AUTS2: variants seen among roughly 807,000 people sequenced by gnomAD.
AUTS2 encodes the protein autism susceptibility gene 2 protein.
A neutral mutation model predicts 112.4 loss-of-function variants in AUTS2; 17 were observed. That is an observed-to-expected ratio of 0.15 (90% CI 0.10 to 0.23). The LOEUF (loss-of-function observed/expected upper bound fraction) is 0.23, where lower values mean the gene tolerates loss of function less well. AUTS2 is among the 10% of genes least tolerant of loss of function. The pLI is 1.00. For missense variants in AUTS2, 1,510 were observed against 1,701.6 expected, an observed-to-expected ratio of 0.89 and a Z score of 1.98; for synonymous variants, 751 against 702.7, an observed-to-expected ratio of 1.07 and a Z score of -1.09.
At chr7:70,335,717 G>A (rs1265039554) in intron 4 of AUTS2, among the ~76,000 whole-genome samples, 1 of 152,228 alleles carries the variant, frequency 6.6e-6, no homozygotes, top group Non-Finnish European at 1.5e-5. Flanking sequence ...AGATGCATAT[G>A]ATTAGTCATC....
At position 70,762,943 on chromosome 7, in the gene AUTS2, G is replaced by C; in HGVS notation, c.816G>C (p.Ser272=). The change falls in exon 7 of 19, where the codon TCG becomes TCC. Residue 272 remains serine (S), a synonymous_variant. Transcript: ENST00000342771. Reference sequence around the variant, plus strand: ...CAGGGCCGATTGTCCCCAAGATATCGGGTCTAGAGAGAAGCCAGGAGAAGA... The same window carrying C: ...CAGGGCCGATTGTCCCCAAGATATCCGGTCTAGAGAGAAGCCAGGAGAAGA... ...QDAGPIVPKI[S]GLERSQEKSQ... The C allele has an allele frequency of 1.9e-6, 3 of 1,614,090 alleles. No individual in the cohort carries two copies. The highest frequency in any genetic ancestry group is 1.3e-5 in the African/African-American group (1 of 75,000).
chr7:70,215,926 A>C (rs190024018), intron 4 of AUTS2, among the ~76,000 whole-genome samples: 1 of 152,208 alleles, frequency 6.6e-6, no homozygotes, highest in Non-Finnish European at 1.5e-5. Context: ...GACTTTCTCT[A>C]ATCTTTGTTT....
At chr7:70,179,483 C>G (rs1255506873) in intron 4 of AUTS2, among the ~76,000 whole-genome samples, 1 of 152,166 alleles carries the variant, frequency 6.6e-6, no homozygotes, top group Non-Finnish European at 1.5e-5. Context: ...ACTTGGCAGA[C>G]TGGAGAGACT....
At chr7:70,624,811 G>A (rs1563083860) in intron 5 of AUTS2, among the ~76,000 whole-genome samples, 1 of 151,986 alleles carries the variant, frequency 6.6e-6, no homozygotes, top group Admixed American at 6.5e-5. Flanking sequence ...GGGGTGTAGA[G>A]ATAGGAAAGA....
intron 5 of AUTS2, among the ~76,000 whole-genome samples, chr7:70,671,611 C>A (rs1807647363): frequency 6.6e-6 from 1 of 152,160 alleles, no homozygotes; most frequent in African/African-American, 2.4e-5. Flanking sequence ...TTGCAAGAGA[C>A]CAGGCACCAC....
chr7:70,165,017 G>A (rs1808308021), intron 4 of AUTS2, among the ~76,000 whole-genome samples: 1 of 151,994 alleles, frequency 6.6e-6, no homozygotes, highest in African/African-American at 2.4e-5. Flanking sequence ...GTAGAGTGAT[G>A]GAATCTGTAA....
chr7:69,972,402 C>A (rs977670612), intron 2 of AUTS2, among the ~76,000 whole-genome samples: 26 of 152,096 alleles, frequency 1.7e-4, no homozygotes, highest in African/African-American at 5.8e-4. Flanking sequence ...TAATTTATAG[C>A]TTGTCTATTC....
intron 4 of AUTS2, among the ~76,000 whole-genome samples, chr7:70,394,596 C>T (rs1214349892): frequency 2.0e-5 from 3 of 152,194 alleles, no homozygotes; most frequent in Non-Finnish European, 4.4e-5. Context: ...TTGCTACCAA[C>T]ATATGTGGCC....
chr7:70,183,833 C>CTTTTTTTTTT (rs60689973), intron 4 of AUTS2, among the ~76,000 whole-genome samples: 2 of 137,954 alleles, frequency 1.4e-5, no homozygotes, highest in Non-Finnish European at 3.2e-5. Context: ...CTGTCTTTTT[C>CTTTTTTTTTT]TTTTTTTTTT....
At chr7:69,713,490 C>A (rs983297421) in intron 1 of AUTS2, among the ~76,000 whole-genome samples, 3 of 144,434 alleles carry the variant, frequency 2.1e-5, no homozygotes, top group Non-Finnish European at 4.5e-5. Flanking sequence ...GAGGGAGTGT[C>A]GCTCTTCTTG....
intron 2 of AUTS2, among the ~76,000 whole-genome samples, chr7:70,014,385 A>T (rs1166284334): frequency 6.6e-6 from 1 of 152,244 alleles, no homozygotes; most frequent in East Asian, 1.9e-4. Flanking sequence ...TTGAAGATGG[A>T]AAAAGAGATA....
Position 69,599,845 on chromosome 7 carries a change from C to T in AUTS2, c.192C>T (p.Ser64=). The T allele has an allele frequency of 1.2e-6, 2 of 1,612,472 alleles. No homozygotes were observed. Among genetic ancestry groups the T allele is most frequent in the Non-Finnish European group, 1.7e-6 (2 of 1,179,564 alleles). The part of the protein sequence containing the change: ...SDKEDNGKPP[S]SAPSRPRPPR... ...AGGAAGACAATGGGAAGCCCCCGTC[C>T]TCCGCCCCGTCCCGGCCCAGACCCC... Residue 64 remains serine (S), a synonymous_variant, in exon 1 of 19, where the codon TCC becomes TCT. Coordinates refer to ENST00000342771, the MANE Select transcript of AUTS2 (RefSeq NM_015570.4). The surrounding 1 kb of genome is among the most constrained non-coding windows in gnomAD (Gnocchi z 7.0).
At chr7:70,009,498 G>T (rs1218996044) in intron 2 of AUTS2, among the ~76,000 whole-genome samples, 1 of 152,128 alleles carries the variant, frequency 6.6e-6, no homozygotes, top group Non-Finnish European at 1.5e-5. Context: ...TTTTGCCATT[G>T]CAGCAAGCCT....
At chr7:69,883,703 A>C (rs112616156) in intron 1 of AUTS2, among the ~76,000 whole-genome samples, 4 of 152,256 alleles carry the variant, frequency 2.6e-5, no homozygotes, top group African/African-American at 9.6e-5. Context: ...TTTTGCTCCC[A>C]AACTGATTTC....
intron 1 of AUTS2, among the ~76,000 whole-genome samples, chr7:69,759,125 G>A (rs2129282582): frequency 6.6e-6 from 1 of 152,260 alleles, no homozygotes; most frequent in Admixed American, 6.5e-5. Flanking sequence ...GTCACAGAGA[G>A]ACTCGGTAAT....
intron 5 of AUTS2, among the ~76,000 whole-genome samples, chr7:70,657,803 C>T (rs1806851862): frequency 6.6e-6 from 1 of 152,096 alleles, no homozygotes; most frequent in Non-Finnish European, 1.5e-5. Flanking sequence ...CGTACTTGAC[C>T]ACGTGTGAAC....
chr7:70,392,129 A>G (rs983206431), intron 4 of AUTS2, among the ~76,000 whole-genome samples: 1 of 152,162 alleles, frequency 6.6e-6, no homozygotes, highest in Non-Finnish European at 1.5e-5. Flanking sequence ...GCTTATTCTC[A>G]TAGCTTTGCA....
At chr7:70,532,662 G>A (rs1277952831) in intron 5 of AUTS2, among the ~76,000 whole-genome samples, 2 of 152,182 alleles carry the variant, frequency 1.3e-5, no homozygotes, top group Admixed American at 6.5e-5. Context: ...AATCCATACT[G>A]TCTCAGACCA....
chr7:70,098,953 C>T (rs749182466), intron 2 of AUTS2, among the ~76,000 whole-genome samples: 3 of 152,062 alleles, frequency 2.0e-5, no homozygotes, highest in Non-Finnish European at 1.5e-5. Context: ...CCGCCCACCT[C>T]GACCTCCCAA....
Sources: gnomAD v4.1 joint callset for allele counts (sites outside exome capture counted in the v4.1 genomes callset) on GRCh38, gnomAD v4.1.1 for gene constraint, Gnocchi (gnomAD v3.1) non-coding constraint, MANE v1.5 for transcripts, NCBI Gene and HGNC (gene_info 2026-07-23, HGNC 2026-07-21) for gene names.